DPP10: variants seen among roughly 807,000 people sequenced by gnomAD.
DPP10 encodes inactive dipeptidyl peptidase 10.
DPP10 carries 33 observed loss-of-function variants against 120.9 expected under a neutral mutation model. That is an observed-to-expected ratio of 0.27 (90% CI 0.21 to 0.37). The LOEUF (loss-of-function observed/expected upper bound fraction) is 0.37, where lower values mean the gene tolerates loss of function less well. Ranked by LOEUF, DPP10 falls within the 10% of genes least tolerant of loss-of-function variation. The pLI is 1.00. For synonymous variants in DPP10, 337 were observed against 326.1 expected (o/e 1.03, Z -0.36); for missense variants, 816 against 942.8 (o/e 0.87, Z 1.76).
At chr2:115,679,430 G>C (rs929414919) in intron 5 of DPP10, among the ~76,000 whole-genome samples, 2 of 152,126 alleles carry the variant, frequency 1.3e-5, no homozygotes, top group Admixed American at 6.5e-5. Flanking sequence ...TTTCTGACTT[G>C]TGAAGGACAT....
At chr2:114,446,859 T>G (rs1430093) in intron 1 of DPP10, among the ~76,000 whole-genome samples, 102,952 of 151,918 alleles carry the variant, frequency 0.68, 35,279 homozygotes, top group Middle Eastern at 0.78. Flanking sequence ...AGACAAGGGG[T>G]TAAAAGAGGA....
At chr2:114,782,510 G>T (rs575311721) in intron 1 of DPP10, among the ~76,000 whole-genome samples, 1 of 151,884 alleles carries the variant, frequency 6.6e-6, no homozygotes, top group Non-Finnish European at 1.5e-5. Context: ...GCATCTGAAG[G>T]CACCCATTTG....
At chr2:114,699,155 A>G (rs1447919565) in intron 1 of DPP10, among the ~76,000 whole-genome samples, 1 of 152,144 alleles carries the variant, frequency 6.6e-6, no homozygotes, top group African/African-American at 2.4e-5. Context: ...AAAAAACGTT[A>G]AGTAATTGTC....
At chr2:115,167,348 A>G (rs1164542025) in intron 1 of DPP10, among the ~76,000 whole-genome samples, 1 of 152,016 alleles carries the variant, frequency 6.6e-6, no homozygotes, top group East Asian at 1.9e-4. Flanking sequence ...GATTGAGCCT[A>G]GGAGTTCTAG....
chr2:115,771,951 A>G (rs188462774), intron 13 of DPP10, among the ~76,000 whole-genome samples: 96 of 151,884 alleles, frequency 6.3e-4, no homozygotes, highest in African/African-American at 2.2e-3. Context: ...ATTTCAAGCT[A>G]TTTTCATTAT....
At chr2:114,780,225 A>C (rs918056014) in intron 1 of DPP10, among the ~76,000 whole-genome samples, 1 of 152,200 alleles carries the variant, frequency 6.6e-6, no homozygotes, top group Non-Finnish European at 1.5e-5. Flanking sequence ...TAATGCAGAC[A>C]AAACTGTTGT....
At chr2:115,336,575 C>T (rs960561873) in intron 2 of DPP10, among the ~76,000 whole-genome samples, 1 of 149,708 alleles carries the variant, frequency 6.7e-6, no homozygotes, top group Admixed American at 6.7e-5. Context: ...CTCTCTCTCT[C>T]TCTCTCTGTC....
chr2:114,850,234 C>G (rs1021438967), intron 1 of DPP10, among the ~76,000 whole-genome samples: 3 of 151,854 alleles, frequency 2.0e-5, no homozygotes, highest in African/African-American at 7.3e-5. Context: ...ACCATGTTGC[C>G]CAGGCTGGTC....
At chr2:114,925,507 C>T (rs1291398103) in intron 1 of DPP10, among the ~76,000 whole-genome samples, 1 of 152,076 alleles carries the variant, frequency 6.6e-6, no homozygotes, top group African/African-American at 2.4e-5. Context: ...TCAGCAGCTG[C>T]GTGGGAATTG....
intron 3 of DPP10, among the ~76,000 whole-genome samples, chr2:115,392,031 G>A (rs1224250558): frequency 6.6e-6 from 1 of 152,086 alleles, no homozygotes; most frequent in African/African-American, 2.4e-5. Flanking sequence ...GGACAAATAA[G>A]TTCTCATCTT....
intron 1 of DPP10, among the ~76,000 whole-genome samples, chr2:114,619,082 T>C (rs1020150293): frequency 7.9e-5 from 12 of 152,112 alleles, no homozygotes; most frequent in African/African-American, 2.9e-4. Context: ...AATTTATTTC[T>C]TGTCCGCAAA....
intron 20 of DPP10, among the ~76,000 whole-genome samples, chr2:115,815,254 A>T (rs1473152000): frequency 6.6e-6 from 1 of 152,132 alleles, no homozygotes. Flanking sequence ...CCACTATATT[A>T]TTTGTTTACA....
At chr2:115,469,952 A>G (rs13401718) in intron 3 of DPP10, among the ~76,000 whole-genome samples, 21,049 of 150,926 alleles carry the variant, frequency 0.14, 3,229 homozygotes, top group African/African-American at 0.37. Context: ...AAATCTGTGT[A>G]TTGTATTGCA....
At chr2:114,676,864 T>C (rs2105678052) in intron 1 of DPP10, among the ~76,000 whole-genome samples, 1 of 152,232 alleles carries the variant, frequency 6.6e-6, no homozygotes, top group Admixed American at 6.5e-5. Flanking sequence ...TCCCCATAAT[T>C]GAATTCAATT....
At chr2:115,751,349 A>C (rs1403354617) in intron 10 of DPP10, among the ~76,000 whole-genome samples, 1 of 152,210 alleles carries the variant, frequency 6.6e-6, no homozygotes, top group Non-Finnish European at 1.5e-5. Context: ...TGAACAGGAC[A>C]CTGTTCTTTG....
chr2:115,318,403 A>G (rs2106085193), intron 2 of DPP10, among the ~76,000 whole-genome samples: 1 of 152,250 alleles, frequency 6.6e-6, no homozygotes, highest in East Asian at 1.9e-4. Context: ...TTTGCTATGA[A>G]GAGCCCATCA....
intron 1 of DPP10, among the ~76,000 whole-genome samples, chr2:114,621,658 T>C (rs375946703): frequency 5.3e-5 from 8 of 152,138 alleles, no homozygotes; most frequent in African/African-American, 1.9e-4. Flanking sequence ...CGAGCACCCT[T>C]ATAGTTTCAG....
At chr2:115,150,876 T>C (rs2104896662) in intron 1 of DPP10, among the ~76,000 whole-genome samples, 1 of 152,368 alleles carries the variant, frequency 6.6e-6, no homozygotes, top group African/African-American at 2.4e-5. Flanking sequence ...ACGTTTAGTG[T>C]GTTGGGATAA....
intron 1 of DPP10, among the ~76,000 whole-genome samples, chr2:114,680,843 T>A (rs975319382): frequency 6.6e-6 from 1 of 151,950 alleles, no homozygotes; most frequent in East Asian, 1.9e-4. Context: ...AGAAAAACCA[T>A]GTGACTAATA....
Sources: gnomAD v4.1 joint callset for allele counts (sites outside exome capture counted in the v4.1 genomes callset) on GRCh38, gnomAD v4.1.1 for gene constraint, MANE v1.5 for transcripts, NCBI Gene and HGNC (gene_info 2026-07-23, HGNC 2026-07-21) for gene names.